P3H2: variants seen among roughly 807,000 people sequenced by gnomAD.
P3H2 encodes the protein prolyl 3-hydroxylase 2.
A neutral mutation model predicts 87.0 loss-of-function variants in P3H2; 80 were observed. The observed-to-expected ratio is 0.92, with a 90% CI of 0.77 to 1.11. P3H2 has a LOEUF of 1.11. Among genes scored for constraint, P3H2 ranks in the 50% least tolerant of loss-of-function variants. P3H2 has a pLI of 0.00. For synonymous variants in P3H2, 367 were observed against 359.3 expected (o/e 1.02, Z -0.24); for missense variants, 1,001 against 923.9 (o/e 1.08, Z -1.08).
chr3:190,107,105 T>C (rs1413988554), intron 1 of P3H2, among the ~76,000 whole-genome samples: 1 of 152,186 alleles, frequency 6.6e-6, no homozygotes, highest in Non-Finnish European at 1.5e-5. Flanking sequence ...ACAAAATGTA[T>C]CAAGAAGATA....
At chr3:190,098,942 T>C (rs1210126318) in intron 1 of P3H2, among the ~76,000 whole-genome samples, 1 of 152,192 alleles carries the variant, frequency 6.6e-6, no homozygotes, top group African/African-American at 2.4e-5. Context: ...TATTTGATCT[T>C]GCTAACTTAA....
At chr3:190,087,613 T>G (rs1727267786) in intron 1 of P3H2, among the ~76,000 whole-genome samples, 1 of 151,762 alleles carries the variant, frequency 6.6e-6, no homozygotes. Flanking sequence ...TCTTTATAAC[T>G]TAAATATCTA....
chr3:190,116,796 CAA>C (rs959108869), intron 1 of P3H2: 5 of 152,152 alleles, frequency 3.3e-5, no homozygotes, highest in Non-Finnish European at 7.3e-5. Context: ...TGATAAAAAT[CAA>C]AAGTTTGAAG....
intron 1 of P3H2, among the ~76,000 whole-genome samples, chr3:190,004,507 C>T (rs568008671): frequency 1.4e-4 from 22 of 152,128 alleles, no homozygotes; most frequent in East Asian, 7.7e-4. Context: ...CTCAGCCTCC[C>T]GAGTAGCTGG....
chr3:190,098,463 TGATA>T (rs1192698256), intron 1 of P3H2, among the ~76,000 whole-genome samples: 4 of 152,188 alleles, frequency 2.6e-5, no homozygotes, highest in East Asian at 1.9e-4. Context: ...GGATAATAGA[TGATA>T]GATAGCCCAT....
chr3:190,025,130 A>C (rs1010070327), intron 1 of P3H2, among the ~76,000 whole-genome samples: 1 of 152,160 alleles, frequency 6.6e-6, no homozygotes, highest in African/African-American at 2.4e-5. Flanking sequence ...CTTCCTGCTT[A>C]ATGAATCATT....
chr3:190,108,738 G>T (rs1711950751), intron 1 of P3H2, among the ~76,000 whole-genome samples: 2 of 151,716 alleles, frequency 1.3e-5, no homozygotes, highest in Non-Finnish European at 2.9e-5. Flanking sequence ...TAAAAAAGAA[G>T]GTTACATCTA....
At position 190,020,134 on chromosome 3, in the gene P3H2, C is replaced by G. The variant is rs967858181; in HGVS notation, c.481-24692G>C. 3.8e-5 allele frequency among the ~76,000 whole-genome samples: 5 copies of G among 132,786 alleles called. 1 individual carries two copies. The highest frequency in any genetic ancestry group is 8.4e-5 in the Non-Finnish European group (5 of 59,880). The allele number at this position is 132,786 out of a possible 152,430, so 87.1% of individuals were successfully genotyped here. On this transcript the variant is annotated intron_variant, in intron 1 of 14. Transcript: ENST00000319332. ...ATTAGTTCAAAGTTTCTTCCATTATCTGTGGTGGCTGCCACCTTCAGAAAG... is the reference window on the plus strand; with the variant it reads ...ATTAGTTCAAAGTTTCTTCCATTATGTGTGGTGGCTGCCACCTTCAGAAAG...
At chr3:190,046,067 G>A (rs1335457240) in intron 1 of P3H2, among the ~76,000 whole-genome samples, 1 of 150,966 alleles carries the variant, frequency 6.6e-6, no homozygotes, top group Non-Finnish European at 1.5e-5. Context: ...AGCTTGCAGT[G>A]AGCTGAGATC....
intron 12 of P3H2, 41 bp downstream of exon 12, chr3:189,971,849 G>C (rs778704745): frequency 8.3e-7 from 1 of 1,199,856 alleles, no homozygotes; most frequent in Non-Finnish European, 1.2e-6. Flanking sequence ...CTTGAAAACT[G>C]TTAGGTAAAA....
At chr3:190,038,740 C>A (rs1271206914) in intron 1 of P3H2, among the ~76,000 whole-genome samples, 2 of 152,162 alleles carry the variant, frequency 1.3e-5, no homozygotes, top group African/African-American at 2.4e-5. Flanking sequence ...CTTATAGTTT[C>A]CTTCCTAAAG....
chr3:189,964,985 T>C (rs529011539), intron 13 of P3H2, among the ~76,000 whole-genome samples: 1 of 152,320 alleles, frequency 6.6e-6, no homozygotes, highest in East Asian at 1.9e-4. Context: ...CTCATGTGAG[T>C]AGAATCCATT....
chr3:189,958,025 A>C, intron 14 of P3H2, 21 bp from the exon 15 acceptor site: 1 of 1,563,728 alleles, frequency 6.4e-7, no homozygotes, highest in Non-Finnish European at 8.8e-7. Context: ...GACAATTTAC[A>C]CATTTCTGTT....
chr3:190,017,156 G>T (rs1176925624), intron 1 of P3H2, among the ~76,000 whole-genome samples: 2 of 152,068 alleles, frequency 1.3e-5, no homozygotes, highest in African/African-American at 4.8e-5. Context: ...CTTTCCAGCT[G>T]TCCTGTCAGT....
intron 1 of P3H2, among the ~76,000 whole-genome samples, chr3:190,079,930 T>C (rs941379938): frequency 6.6e-6 from 1 of 152,226 alleles, no homozygotes; most frequent in Admixed American, 6.5e-5. Context: ...ATACATCATT[T>C]AAATAACATA....
intron 4 of P3H2, among the ~76,000 whole-genome samples, chr3:189,988,143 G>A (rs954474421): frequency 5.3e-5 from 8 of 152,192 alleles, no homozygotes; most frequent in Admixed American, 3.3e-4. Context: ...TCAATGCAAA[G>A]TCCTTCATAG....
intron 8 of P3H2, among the ~76,000 whole-genome samples, chr3:189,979,130 A>G (rs1221826299): frequency 6.6e-6 from 1 of 152,156 alleles, no homozygotes; most frequent in Non-Finnish European, 1.5e-5. Flanking sequence ...ACAGTTAAAA[A>G]AACAAAAAAA....
chr3:189,991,648 T>C (rs145043480), intron 3 of P3H2, among the ~76,000 whole-genome samples: 5 of 152,226 alleles, frequency 3.3e-5, no homozygotes, highest in Non-Finnish European at 7.4e-5. Context: ...TGAAGATCTG[T>C]AAGTGGAAAT....
chr3:189,981,708 A>T (rs1713528991), intron 8 of P3H2, among the ~76,000 whole-genome samples: 1 of 152,140 alleles, frequency 6.6e-6, no homozygotes, highest in African/African-American at 2.4e-5. Flanking sequence ...AGGGGAAAAA[A>T]ATGCTTTGAA....
Sources: allele counts gnomAD v4.1 joint callset (sites outside exome capture counted in the v4.1 genomes callset), GRCh38; gene constraint gnomAD v4.1.1; transcripts MANE v1.5; gene names NCBI Gene and HGNC (gene_info 2026-07-23, HGNC 2026-07-21).